The following TOX2 variants were observed in gnomAD, a reference collection of about 807,000 sequenced individuals.
The protein encoded by TOX2 is granulosa cell HMG box 1.
Under a neutral mutation model 47.4 loss-of-function variants are expected in TOX2, and 15 were observed. The ratio of observed to expected loss-of-function variants is 0.32; its 90% CI spans 0.21 to 0.49. TOX2 has a LOEUF of 0.49. Ranked by LOEUF, TOX2 falls within the 20% of genes least tolerant of loss-of-function variation. TOX2 has a pLI of 0.99. For missense variants in TOX2, 622 were observed against 673.1 expected, an observed-to-expected ratio of 0.92 and a Z score of 0.84; for synonymous variants, 290 against 296.6, an observed-to-expected ratio of 0.98 and a Z score of 0.23.
At chr20:44,065,121 T>C (rs2145797722) in intron 6 of TOX2, among the ~76,000 whole-genome samples, 1 of 152,328 alleles carries the variant, frequency 6.6e-6, no homozygotes, top group African/African-American at 2.4e-5. Flanking sequence ...TTTGTTAAAG[T>C]GGCCGCACTA....
chr20:44,066,565 G>A (rs1600808011), intron 7 of TOX2, among the ~76,000 whole-genome samples, 165 bp from the exon 8 acceptor site: 1 of 152,342 alleles, frequency 6.6e-6, no homozygotes, highest in Middle Eastern at 3.4e-3. Context: ...GACAAGGGTT[G>A]AACATTTTGA....
intron 1 of TOX2, among the ~76,000 whole-genome samples, chr20:43,952,198 G>T (rs1335424383): frequency 2.0e-5 from 3 of 152,078 alleles, no homozygotes; most frequent in Non-Finnish European, 4.4e-5. Flanking sequence ...ACTGCGCCCA[G>T]CAGAAAAGTA....
chr20:44,049,032 T>C (rs1479900510), intron 3 of TOX2, among the ~76,000 whole-genome samples: 1 of 152,206 alleles, frequency 6.6e-6, no homozygotes, highest in African/African-American at 2.4e-5. Flanking sequence ...CCCAGCTACC[T>C]GGGAGGCAGA....
At chr20:43,980,192 C>A (rs764394291) in intron 2 of TOX2, among the ~76,000 whole-genome samples, 1 of 152,132 alleles carries the variant, frequency 6.6e-6, no homozygotes, top group Non-Finnish European at 1.5e-5. Flanking sequence ...ATTATTCAGC[C>A]ATACAAAGAG....
chr20:44,017,023 G>A (rs1376178491), intron 3 of TOX2, among the ~76,000 whole-genome samples: 1 of 152,242 alleles, frequency 6.6e-6, no homozygotes, highest in Non-Finnish European at 1.5e-5. Context: ...GCATTTACCA[G>A]GGGCCACCAG....
intron 1 of TOX2, among the ~76,000 whole-genome samples, chr20:43,951,924 T>G (rs1373628841): frequency 6.6e-6 from 1 of 151,550 alleles, no homozygotes; most frequent in Non-Finnish European, 1.5e-5. Flanking sequence ...TGAGGCCGAG[T>G]CTCGCTCTGT....
intron 1 of TOX2, among the ~76,000 whole-genome samples, chr20:43,958,689 C>T (rs761669933): frequency 2.3e-4 from 35 of 152,244 alleles, no homozygotes; most frequent in African/African-American, 7.7e-4. Context: ...GAATGTTCAC[C>T]GTGCCCTTGG....
At chr20:43,991,162 G>C (rs1569070650) in intron 2 of TOX2, among the ~76,000 whole-genome samples, 1 of 152,216 alleles carries the variant, frequency 6.6e-6, no homozygotes, top group African/African-American at 2.4e-5. Flanking sequence ...CACACAGCCT[G>C]TCAGAGGTAG....
At chr20:43,959,196 G>A (rs192741718) in intron 1 of TOX2, among the ~76,000 whole-genome samples, 1 of 152,148 alleles carries the variant, frequency 6.6e-6, no homozygotes, top group African/African-American at 2.4e-5. Context: ...GTTCTCCAGG[G>A]GAGGAATCTG....
At position 43,915,086 on chromosome 20, in the gene TOX2, C is replaced by T. The variant is rs2069041165; in HGVS notation, c.99+96C>T. ...TCCCGGGGTCACACGGGGCCGCGCA[C>T]ATCAGCCCCGCCGACGGGCACGGGC... On this transcript the variant is annotated intron_variant, in intron 1 of 8. Transcript: ENST00000341197. The surrounding 1 kb of genome is among the most constrained non-coding windows in gnomAD (Gnocchi z 7.1). 1 of 678,512 alleles carries T rather than the reference C, an allele frequency of 1.5e-6. No individual in the cohort carries two copies. The highest frequency in any genetic ancestry group is 1.9e-6 in the Non-Finnish European group (1 of 527,944). The allele number at this position is 678,512 out of a possible 1,614,324, so 42.0% of individuals were successfully genotyped here. A position where few individuals can be genotyped will look rare whatever the true frequency, so the allele number is the denominator to read the frequency against.
At chr20:44,005,478 G>C (rs980178502) in intron 2 of TOX2, among the ~76,000 whole-genome samples, 1 of 152,134 alleles carries the variant, frequency 6.6e-6, no homozygotes, top group Non-Finnish European at 1.5e-5. Flanking sequence ...GACAGTATGA[G>C]ACAGGAAAAT....
intron 5 of TOX2, among the ~76,000 whole-genome samples, chr20:44,060,839 C>T (rs1174788902): frequency 1.3e-5 from 2 of 152,054 alleles, no homozygotes; most frequent in African/African-American, 4.8e-5. Context: ...TGTAAGGTCA[C>T]GCCTCAAGGA....
At chr20:43,932,784 G>A (rs926644271) in intron 1 of TOX2, among the ~76,000 whole-genome samples, 1 of 95,398 alleles carries the variant, frequency 1.0e-5, no homozygotes, top group Non-Finnish European at 1.8e-5. Context: ...GCCCCCCCCC[G>A]CCATTTCTGA....
intron 1 of TOX2, among the ~76,000 whole-genome samples, chr20:43,962,145 C>G (rs1482442808): frequency 6.6e-6 from 1 of 152,334 alleles, no homozygotes; most frequent in South Asian, 2.1e-4. Context: ...TAATTTTTGC[C>G]ATAAATCTGC....
intron 3 of TOX2, among the ~76,000 whole-genome samples, chr20:44,020,442 T>C (rs2070957411): frequency 6.6e-6 from 1 of 152,162 alleles, no homozygotes; most frequent in Admixed American, 6.5e-5. Context: ...GTTCTGCACA[T>C]ATAACCCGGA....
At chr20:43,921,922 G>A (rs2069116654) in intron 1 of TOX2, among the ~76,000 whole-genome samples, 1 of 152,178 alleles carries the variant, frequency 6.6e-6, no homozygotes, top group Non-Finnish European at 1.5e-5. Flanking sequence ...TTATTGGAGT[G>A]TCCAGGATTA....
chr20:43,925,148 C>G (rs545676885), intron 1 of TOX2, among the ~76,000 whole-genome samples: 1 of 152,060 alleles, frequency 6.6e-6, no homozygotes, highest in South Asian at 2.1e-4. Flanking sequence ...GCATTTAACT[C>G]TGTTTTATTG....
At chr20:43,939,175 C>T (rs78295570) in intron 1 of TOX2, among the ~76,000 whole-genome samples, 27,907 of 152,004 alleles carry the variant, frequency 0.18, 3,503 homozygotes, top group East Asian at 0.37. Context: ...TGTGCATGCA[C>T]GTTAGGTCCT....
At chr20:44,026,880 C>T (rs1296945974) in intron 3 of TOX2, among the ~76,000 whole-genome samples, 1 of 152,154 alleles carries the variant, frequency 6.6e-6, no homozygotes, top group Non-Finnish European at 1.5e-5. Flanking sequence ...CCACAACTCT[C>T]CTGGGAAAGG....
Sources: allele counts gnomAD v4.1 joint callset (sites outside exome capture counted in the v4.1 genomes callset), GRCh38; gene constraint gnomAD v4.1.1; non-coding constraint Gnocchi (gnomAD v3.1); transcripts MANE v1.5; gene names NCBI Gene and HGNC (gene_info 2026-07-23, HGNC 2026-07-21).